Variants in PCCA observed in about 807,000 individuals in gnomAD.
PCCA encodes propionyl-CoA carboxylase alpha chain, mitochondrial.
A neutral mutation model predicts 101.3 loss-of-function variants in PCCA; 74 were observed. The observed-to-expected ratio is 0.73, with a 90% confidence interval of 0.61 to 0.89. PCCA has a LOEUF of 0.89. Among genes scored for constraint, PCCA ranks in the 40% least tolerant of loss-of-function variants. PCCA has a pLI of 0.00. For missense variants in PCCA, 891 were observed against 907.0 expected (o/e 0.98, Z 0.23); for synonymous variants, 294 against 313.6 (o/e 0.94, Z 0.66).
intron 19 of PCCA, among the ~76,000 whole-genome samples, chr13:100,380,491 A>G (rs1205558655): frequency 4.6e-5 from 7 of 152,248 alleles, no homozygotes; most frequent in Non-Finnish European, 1.0e-4. Flanking sequence ...TTGTCATATA[A>G]ATCAACAGAA....
At chr13:100,454,675 A>G (rs778772850) in intron 21 of PCCA, among the ~76,000 whole-genome samples, 15 of 152,226 alleles carry the variant, frequency 9.9e-5, no homozygotes, top group Non-Finnish European at 2.1e-4. Context: ...GTCAATATTG[A>G]TAAACATGAT....
chr13:100,203,273 C>CAAAAA (rs998482300), intron 6 of PCCA, among the ~76,000 whole-genome samples: 1 of 64,252 alleles, frequency 1.6e-5, no homozygotes. Flanking sequence ...GACTCCGTCT[C>CAAAAA]AAAAAAAAAA....
At chr13:100,319,079 T>G (rs2067706369) in intron 16 of PCCA, among the ~76,000 whole-genome samples, 1 of 152,264 alleles carries the variant, frequency 6.6e-6, no homozygotes, top group South Asian at 2.1e-4. Context: ...ATTTCTCTGA[T>G]GGCCAGTGAT....
intron 7 of PCCA, among the ~76,000 whole-genome samples, chr13:100,221,746 ATTTTTTTT>A (rs3034654): frequency 1.6e-5 from 2 of 121,602 alleles, no homozygotes; most frequent in Admixed American, 9.3e-5. Context: ...TCCCTGGGAA[ATTTTTTTT>A]TTTTTTTTTT....
intron 4 of PCCA, among the ~76,000 whole-genome samples, chr13:100,137,871 GCGATTA>G (rs1225481022): frequency 1.1e-4 from 17 of 150,778 alleles, no homozygotes; most frequent in African/African-American, 4.2e-4. Flanking sequence ...GTGCAGTGGC[GCGATTA>G]TGGCCCACTG....
intron 19 of PCCA, among the ~76,000 whole-genome samples, chr13:100,387,247 A>G (rs1438585831): frequency 5.9e-5 from 9 of 152,232 alleles, no homozygotes; most frequent in Admixed American, 5.2e-4. Context: ...GAGCAGTAAC[A>G]TAGGTCAGAG....
At chr13:100,303,522 T>C (rs1444352293) in intron 14 of PCCA, among the ~76,000 whole-genome samples, 1 of 152,142 alleles carries the variant, frequency 6.6e-6, no homozygotes. Context: ...TTTTATTCCA[T>C]AGCTCTTCTG....
intron 21 of PCCA, among the ~76,000 whole-genome samples, chr13:100,461,492 A>C (rs1296332): frequency 1.3e-5 from 2 of 152,150 alleles, no homozygotes; most frequent in Admixed American, 6.5e-5. Context: ...GTGATGTCAT[A>C]CATTTTTGGT....
chr13:100,518,400 G>A (rs2086992066), intron 22 of PCCA, among the ~76,000 whole-genome samples: 2 of 152,178 alleles, frequency 1.3e-5, no homozygotes, highest in Non-Finnish European at 2.9e-5. Context: ...CGCTCGGGGC[G>A]CTTGGTGTGG....
In PCCA at chr13:100,199,954, G is replaced by A. The variant is rs184449136; in HGVS notation, c.469-9378G>A. Reference sequence around the variant, plus strand: ...ACTGTTGAAATTACTGTGAAGTCAAGTTGTTCCTCTTTGGTCCGTGGGGCT... The same window carrying A: ...ACTGTTGAAATTACTGTGAAGTCAAATTGTTCCTCTTTGGTCCGTGGGGCT... On this transcript the variant is annotated intron_variant, in intron 6 of 23. Coordinates refer to ENST00000376285, the MANE Select transcript of PCCA (RefSeq NM_000282.4). Among the ~76,000 whole-genome samples, 411 of 152,206 alleles carry A rather than the reference G, an allele frequency of 2.7e-3. 3 individuals are homozygous for A. Among genetic ancestry groups the A allele is most frequent in the Middle Eastern group, 3.4e-3 (1 of 294 alleles).
chr13:100,205,727 G>A (rs2058810305), intron 6 of PCCA, among the ~76,000 whole-genome samples: 1 of 151,926 alleles, frequency 6.6e-6, no homozygotes. Flanking sequence ...TTCTTTGTGT[G>A]GGTACTCTGA....
At chr13:100,462,515 A>G (rs2082234770) in intron 21 of PCCA, among the ~76,000 whole-genome samples, 1 of 152,192 alleles carries the variant, frequency 6.6e-6, no homozygotes, top group Non-Finnish European at 1.5e-5. Flanking sequence ...ATAGGCTTAT[A>G]TAGTAGCAGA....
At chr13:100,209,553 G>A in intron 7 of PCCA, 90 bp downstream of exon 7, 1 of 1,011,766 alleles carries the variant, frequency 9.9e-7, no homozygotes. Context: ...TTGCTTTTTT[G>A]GGATATACAC....
chr13:100,494,892 A>G (rs752662098), intron 21 of PCCA, among the ~76,000 whole-genome samples: 59 of 152,050 alleles, frequency 3.9e-4, no homozygotes, highest in Non-Finnish European at 3.7e-4. Flanking sequence ...TTTTATCCCA[A>G]GACTTATCTC....
chr13:100,208,854 A>C (rs1566710413), intron 6 of PCCA, among the ~76,000 whole-genome samples: 2 of 152,144 alleles, frequency 1.3e-5, no homozygotes, highest in Non-Finnish European at 2.9e-5. Flanking sequence ...CGTTTCCTGG[A>C]AATTGTTGAT....
intron 7 of PCCA, among the ~76,000 whole-genome samples, chr13:100,228,080 A>G (rs2060249634): frequency 6.6e-6 from 1 of 152,018 alleles, no homozygotes; most frequent in African/African-American, 2.4e-5. Context: ...CAGTGGTGCC[A>G]TCTCGGCTCA....
chr13:100,491,140 C>T (rs2084876310), intron 21 of PCCA: 1 of 152,276 alleles, frequency 6.6e-6, no homozygotes, highest in Admixed American at 6.5e-5. Flanking sequence ...AATAGTCACT[C>T]ATGTGATTGG....
intron 20 of PCCA, among the ~76,000 whole-genome samples, chr13:100,443,722 C>A (rs1055207722): frequency 1.3e-5 from 2 of 151,628 alleles, no homozygotes; most frequent in Admixed American, 6.6e-5. Flanking sequence ...AGCCAAATTA[C>A]TTTTTGTATT....
intron 12 of PCCA, among the ~76,000 whole-genome samples, chr13:100,286,430 G>T (rs1408389944): frequency 6.6e-5 from 10 of 152,182 alleles, no homozygotes; most frequent in East Asian, 1.9e-4. Flanking sequence ...GAATGACGGG[G>T]TGAGTGCTTT....
Sources: allele counts gnomAD v4.1 joint callset (sites outside exome capture counted in the v4.1 genomes callset), GRCh38; gene constraint gnomAD v4.1.1; transcripts MANE v1.5; gene names NCBI Gene and HGNC (gene_info 2026-07-23, HGNC 2026-07-21).